The following PLPPR5 variants were observed in gnomAD, a reference collection of about 807,000 sequenced individuals.
PLPPR5 encodes phospholipid phosphatase related 5.
In PLPPR5, 16 loss-of-function variants were observed where a neutral mutation model predicts 33.9. That is an observed-to-expected ratio of 0.47 (90% CI 0.32 to 0.72). The LOEUF (loss-of-function observed/expected upper bound fraction) is 0.72. Ranked by LOEUF, PLPPR5 falls within the 30% of genes least tolerant of loss-of-function variation. The pLI is 0.03. For missense variants in PLPPR5, 301 were observed against 406.7 expected, an observed-to-expected ratio of 0.74 and a Z score of 2.23; for synonymous variants, 163 against 150.3, an observed-to-expected ratio of 1.08 and a Z score of -0.62.
chr1:98,992,024 T>C (rs1036678285), intron 1 of PLPPR5, among the ~76,000 whole-genome samples: 1 of 152,170 alleles, frequency 6.6e-6, no homozygotes, highest in Non-Finnish European at 1.5e-5. Context: ...TTTTATCTTA[T>C]GCAGAATATA....
intron 1 of PLPPR5, among the ~76,000 whole-genome samples, chr1:98,988,682 A>G (rs547030558): frequency 1.3e-5 from 2 of 152,170 alleles, no homozygotes; most frequent in South Asian, 4.1e-4. Flanking sequence ...TGACACTATA[A>G]ATTAGGACAA....
intron 1 of PLPPR5, among the ~76,000 whole-genome samples, chr1:98,999,730 A>G (rs1652757235): frequency 6.6e-6 from 1 of 152,172 alleles, no homozygotes; most frequent in Non-Finnish European, 1.5e-5. Flanking sequence ...TAGGTATGAG[A>G]TGACTTTCTA....
chr1:98,916,004 C>G (rs1295697031), intron 4 of PLPPR5, among the ~76,000 whole-genome samples: 3 of 152,158 alleles, frequency 2.0e-5, no homozygotes, highest in Non-Finnish European at 4.4e-5. Context: ...CAGCTATAAC[C>G]TAACATTCAT....
intron 3 of PLPPR5, among the ~76,000 whole-genome samples, chr1:98,925,749 G>A (rs558432204): frequency 6.6e-6 from 1 of 152,260 alleles, no homozygotes; most frequent in African/African-American, 2.4e-5. Flanking sequence ...GGCTGTGCTA[G>A]GTTTCTTCAA....
intron 1 of PLPPR5, among the ~76,000 whole-genome samples, chr1:98,969,796 T>C (rs190428126): frequency 1.1e-3 from 162 of 152,090 alleles, no homozygotes; most frequent in Non-Finnish European, 1.7e-3. Context: ...GGTTGAGATG[T>C]CTTCAGTTCC....
At chr1:98,994,391 C>T (rs947234923) in intron 1 of PLPPR5, among the ~76,000 whole-genome samples, 1 of 151,958 alleles carries the variant, frequency 6.6e-6, no homozygotes, top group Admixed American at 6.6e-5. Context: ...AACAGGTCAT[C>T]AACAAATTAA....
chr1:98,906,290 T>C (rs1310611619), intron 5 of PLPPR5, among the ~76,000 whole-genome samples: 2 of 151,032 alleles, frequency 1.3e-5, no homozygotes, highest in Non-Finnish European at 2.9e-5. Flanking sequence ...TATATATACA[T>C]ATATATGTAT....
intron 5 of PLPPR5, among the ~76,000 whole-genome samples, chr1:98,897,666 CTG>C (rs1230783910): frequency 1.3e-5 from 2 of 152,128 alleles, no homozygotes; most frequent in Admixed American, 6.6e-5. Flanking sequence ...GTCTCTGACT[CTG>C]TTGCTGCGGA....
Position 98,892,725 on chromosome 1 carries a change from T to C in PLPPR5, c.*347A>G, listed in dbSNP as rs2101127589. The C allele has an allele frequency of 4.8e-6, 1 of 208,220 alleles. No individual in the cohort carries two copies. The highest frequency in any genetic ancestry group is 1.7e-3 in the Middle Eastern group (1 of 592). 12.9% of individuals were successfully genotyped at this position (208,220 alleles called of 1,614,324 possible). ...AGAAGGTTTTCATACACAAATACGA[T>C]TTATGTAGAGATTTCTTTTAACATA... On this transcript the variant is annotated 3_prime_UTR_variant, in exon 6 of 6. Transcript: ENST00000263177.
chr1:98,951,042 G>A (rs1650763599), intron 3 of PLPPR5, among the ~76,000 whole-genome samples: 1 of 152,108 alleles, frequency 6.6e-6, no homozygotes, highest in African/African-American at 2.4e-5. Flanking sequence ...ATTTGTATAA[G>A]AATATTTGGG....
chr1:98,994,203 G>A (rs12143490), intron 1 of PLPPR5, among the ~76,000 whole-genome samples: 1,611 of 151,924 alleles, frequency 0.011, 14 homozygotes, highest in Middle Eastern at 0.024. Context: ...AGGGAGAAAG[G>A]AAAGAAGGGG....
intron 3 of PLPPR5, among the ~76,000 whole-genome samples, chr1:98,940,554 C>A (rs1048007573): frequency 6.6e-6 from 1 of 151,846 alleles, no homozygotes; most frequent in Non-Finnish European, 1.5e-5. Flanking sequence ...CTTGAAAGGG[C>A]TTTCACTGGG....
At chr1:98,970,389 T>G (rs1459905464) in intron 1 of PLPPR5, among the ~76,000 whole-genome samples, 2 of 152,010 alleles carry the variant, frequency 1.3e-5, no homozygotes, top group African/African-American at 4.8e-5. Flanking sequence ...AATGTGAAAC[T>G]CTAACAGCTT....
Position 98,891,370 on chromosome 1 carries a change from T to A in PLPPR5, c.*1702A>T, listed in dbSNP as rs915004809. ...TGAAATTACAGAGGAAATTAAAAGT[T>A]TGCTTTCTTTAGTACTGTAAAGTTT... On this transcript the variant is annotated 3_prime_UTR_variant, in exon 6 of 6. Coordinates refer to ENST00000263177, the MANE Select transcript of PLPPR5 (RefSeq NM_001037317.2). The A allele has an allele frequency of 6.6e-4, 101 of 152,102 alleles. No individual in the cohort carries two copies. The highest frequency in any genetic ancestry group is 2.3e-3 in the African/African-American group (95 of 41,428). 9.4% of individuals were successfully genotyped at this position (152,102 alleles called of 1,614,324 possible). A position where few individuals can be genotyped will look rare whatever the true frequency, so the allele number is the denominator to read the frequency against.
At chr1:98,923,933 T>C (rs941273088) in intron 3 of PLPPR5, among the ~76,000 whole-genome samples, 4 of 152,250 alleles carry the variant, frequency 2.6e-5, no homozygotes, top group Non-Finnish European at 4.4e-5. Context: ...ACTCCTTGTA[T>C]GACGAGTGCG....
chr1:98,994,133 T>C (rs1652549474), intron 1 of PLPPR5, among the ~76,000 whole-genome samples: 1 of 151,770 alleles, frequency 6.6e-6, no homozygotes, highest in African/African-American at 2.4e-5. Flanking sequence ...TCTCAAGGTA[T>C]GGTGCACATA....
chr1:99,004,330 A>T, intron 1 of PLPPR5, 105 bp downstream of exon 1: 2 of 987,412 alleles, frequency 2.0e-6, no homozygotes, highest in Non-Finnish European at 2.9e-6. Context: ...GGAGGAACTT[A>T]GAAGGCAAAA....
intron 5 of PLPPR5, among the ~76,000 whole-genome samples, chr1:98,906,946 G>T (rs1648921837): frequency 6.6e-6 from 1 of 152,108 alleles, no homozygotes; most frequent in African/African-American, 2.4e-5. Flanking sequence ...TCTTTTCTCA[G>T]ATATCAATTT....
chr1:98,893,875 G>A (rs1346058044), intron 5 of PLPPR5, among the ~76,000 whole-genome samples: 1 of 151,848 alleles, frequency 6.6e-6, no homozygotes, highest in African/African-American at 2.4e-5. Context: ...CATTTTAAAT[G>A]TGTTTTGTAT....
Sources: gnomAD v4.1 joint callset for allele counts (sites outside exome capture counted in the v4.1 genomes callset) on GRCh38, gnomAD v4.1.1 for gene constraint, MANE v1.5 for transcripts, NCBI Gene and HGNC (gene_info 2026-07-23, HGNC 2026-07-21) for gene names.